Variants in NCKAP5 observed in about 807,000 individuals in gnomAD.
The protein encoded by NCKAP5 is nck-associated protein 5.
Under a neutral mutation model 167.0 loss-of-function variants are expected in NCKAP5, and 92 were observed. That is an observed-to-expected ratio of 0.55 (90% CI 0.47 to 0.66). NCKAP5 has a LOEUF of 0.66. Among genes scored for constraint, NCKAP5 ranks in the 30% least tolerant of loss-of-function variants. The pLI, the probability that NCKAP5 is intolerant of heterozygous loss-of-function variation, is 0.00. For missense variants in NCKAP5, 2,378 were observed against 2,315.0 expected (o/e 1.03, Z -0.56); for synonymous variants, 891 against 877.4 (o/e 1.02, Z -0.27).
At chr2:132,712,474 AC>A (rs909668930) in intron 19 of NCKAP5, among the ~76,000 whole-genome samples, 6 of 152,028 alleles carry the variant, frequency 3.9e-5, no homozygotes, top group African/African-American at 1.5e-4. Context: ...ACACAGTGAA[AC>A]CCCGTCTTTA....
intron 6 of NCKAP5, among the ~76,000 whole-genome samples, chr2:133,003,593 A>G (rs1487115477): frequency 6.6e-6 from 1 of 152,252 alleles, no homozygotes; most frequent in Non-Finnish European, 1.5e-5. Context: ...ATAGTTAGGA[A>G]CAGTAAATCT....
At chr2:132,865,472 C>T (rs1465681985) in intron 10 of NCKAP5, among the ~76,000 whole-genome samples, 1 of 152,176 alleles carries the variant, frequency 6.6e-6, no homozygotes, top group Non-Finnish European at 1.5e-5. Flanking sequence ...TTTGAGAAAG[C>T]TTGACCCCAA....
chr2:133,049,816 C>G (rs1257832198), intron 6 of NCKAP5, among the ~76,000 whole-genome samples: 1 of 152,154 alleles, frequency 6.6e-6, no homozygotes, highest in Non-Finnish European at 1.5e-5. Context: ...CTTTCAAAAT[C>G]TGAGCCAAGG....
chr2:133,547,712 T>G (rs111566789), intron 2 of NCKAP5, among the ~76,000 whole-genome samples: 1 of 146,240 alleles, frequency 6.8e-6, no homozygotes, highest in African/African-American at 2.5e-5. Flanking sequence ...GACATCCACA[T>G]CGAAAACCCA....
At chr2:133,291,787 T>C (rs1679620952) in intron 4 of NCKAP5, among the ~76,000 whole-genome samples, 1 of 152,242 alleles carries the variant, frequency 6.6e-6, no homozygotes, top group South Asian at 2.1e-4. Context: ...TTCTCCGCCC[T>C]GAGATAGCTT....
At chr2:132,848,072 T>G (rs1574410485) in intron 11 of NCKAP5, among the ~76,000 whole-genome samples, 1 of 152,204 alleles carries the variant, frequency 6.6e-6, no homozygotes, top group Non-Finnish European at 1.5e-5. Context: ...ATATATGTTA[T>G]GTGGATCTTC....
chr2:133,592,212 G>GTGT, the NCKAP5 span, among the ~76,000 whole-genome samples: 5 of 152,120 alleles, frequency 3.3e-5, no homozygotes, highest in African/African-American at 1.2e-4. Context: ...GAAAGTTCAG[G>GTGT]TGTTTTCAAA....
chr2:133,509,041 G>GCTGAATGAAAC, intron 3 of NCKAP5, among the ~76,000 whole-genome samples: 3 of 152,322 alleles, frequency 2.0e-5, no homozygotes, highest in Admixed American at 2.0e-4. Context: ...GCTGAATACA[G>GCTGAATGAAAC]CTGAATGAAA....
chr2:132,939,953 T>C (rs1281955678), intron 8 of NCKAP5, among the ~76,000 whole-genome samples: 2 of 152,080 alleles, frequency 1.3e-5, no homozygotes, highest in Non-Finnish European at 2.9e-5. Flanking sequence ...TGAGCTGAGA[T>C]TGCACCACTG....
chr2:133,270,356 G>A (rs1272189443), intron 4 of NCKAP5, among the ~76,000 whole-genome samples: 1 of 152,134 alleles, frequency 6.6e-6, no homozygotes, highest in Non-Finnish European at 1.5e-5. Context: ...GTTTTAAAAG[G>A]GAGAATATGG....
At chr2:132,863,424 C>A (rs1413058213) in intron 10 of NCKAP5, among the ~76,000 whole-genome samples, 4 of 140,958 alleles carry the variant, frequency 2.8e-5, no homozygotes, top group East Asian at 2.1e-4. Flanking sequence ...ACTGAGAATA[C>A]CTTGAAAGAG....
intron 19 of NCKAP5, among the ~76,000 whole-genome samples, chr2:132,684,381 C>G (rs1685658669): frequency 6.6e-6 from 1 of 152,192 alleles, no homozygotes; most frequent in Admixed American, 6.5e-5. Context: ...TTATTTAAAA[C>G]CCTTCTGTCA....
At chr2:133,327,491 G>A (rs1041036187) in intron 3 of NCKAP5, among the ~76,000 whole-genome samples, 6 of 152,112 alleles carry the variant, frequency 3.9e-5, no homozygotes, top group African/African-American at 1.2e-4. Flanking sequence ...CAGATTCCTG[G>A]CCCTGGTTGT....
chr2:132,934,885 A>G (rs1696722666), intron 8 of NCKAP5, among the ~76,000 whole-genome samples: 1 of 152,210 alleles, frequency 6.6e-6, no homozygotes, highest in Admixed American at 6.5e-5. Context: ...ATGTGAATAT[A>G]TAAAAGTCAT....
rs140275120 is a variant in NCKAP5 at position 132,872,986 on chromosome 2, C to T, written c.649-4012G>A. ...GGCATGAGATGATAGACATAATCAG[C>T]GAAACCACCTAGGACAGGACTTGAT... On this transcript the variant is annotated intron_variant, in intron 9 of 19. Transcript: ENST00000409261. Among the ~76,000 whole-genome samples, 348 of 152,224 alleles carry T rather than the reference C, an allele frequency of 2.3e-3. 2 individuals carry two copies. Among genetic ancestry groups the T allele is most frequent in the African/African-American group, 8.0e-3 (332 of 41,542 alleles).
At chr2:133,412,425 T>C (rs1446952804) in intron 3 of NCKAP5, among the ~76,000 whole-genome samples, 1 of 152,170 alleles carries the variant, frequency 6.6e-6, no homozygotes, top group Admixed American at 6.5e-5. Flanking sequence ...ACAGTCACCA[T>C]GTGCAGTGTG....
At chr2:133,006,521 T>C (rs762223360) in intron 6 of NCKAP5, among the ~76,000 whole-genome samples, 2 of 151,834 alleles carry the variant, frequency 1.3e-5, no homozygotes, top group Non-Finnish European at 1.5e-5. Context: ...TCAGAGAAAA[T>C]TAAGAATTGA....
chr2:133,552,723 T>C (rs1023135866), intron 2 of NCKAP5, among the ~76,000 whole-genome samples: 1 of 141,466 alleles, frequency 7.1e-6, no homozygotes, highest in African/African-American at 2.6e-5. Flanking sequence ...TGTGCACATG[T>C]ACCCTAAAAC....
At chr2:133,147,701 T>A (rs1182078398) in intron 5 of NCKAP5, among the ~76,000 whole-genome samples, 2 of 152,124 alleles carry the variant, frequency 1.3e-5, no homozygotes, top group African/African-American at 2.4e-5. Flanking sequence ...AAGCGGCCTC[T>A]TCCCCATGGG....
Sources: allele counts gnomAD v4.1 joint callset (sites outside exome capture counted in the v4.1 genomes callset), GRCh38; gene constraint gnomAD v4.1.1; transcripts MANE v1.5; gene names NCBI Gene and HGNC (gene_info 2026-07-23, HGNC 2026-07-21).